Variants in CRPPA observed in about 807,000 individuals in gnomAD.
CRPPA encodes the protein CDP-L-ribitol pyrophosphorylase A.
A neutral mutation model predicts 52.0 loss-of-function variants in CRPPA; 43 were observed. The observed-to-expected ratio is 0.83, with a 90% CI of 0.65 to 1.07. The LOEUF (loss-of-function observed/expected upper bound fraction) is 1.07. CRPPA is among the 50% of genes least tolerant of loss of function. The pLI is 0.00. For missense variants in CRPPA, 629 were observed against 551.7 expected (o/e 1.14, Z -1.40); for synonymous variants, 250 against 203.5 (o/e 1.23, Z -1.94).
intron 5 of CRPPA, among the ~76,000 whole-genome samples, chr7:16,284,489 C>CG (rs1229430106): frequency 6.6e-6 from 1 of 151,808 alleles, no homozygotes; most frequent in Non-Finnish European, 1.5e-5. Flanking sequence ...TAACTTTGTC[C>CG]GTGCAAAATA....
chr7:16,112,306 T>C (rs754457707), intron 9 of CRPPA, among the ~76,000 whole-genome samples: 11 of 151,758 alleles, frequency 7.2e-5, no homozygotes, highest in Admixed American at 2.6e-4. Context: ...CAGAGTGAGA[T>C]GGTGTCTCTC....
chr7:16,324,717 C>A (rs1785340648), intron 3 of CRPPA, among the ~76,000 whole-genome samples: 2 of 152,198 alleles, frequency 1.3e-5, no homozygotes, highest in African/African-American at 2.4e-5. Flanking sequence ...CATAACAACA[C>A]AACTATAAAA....
intron 3 of CRPPA, among the ~76,000 whole-genome samples, chr7:16,320,913 C>T (rs1342873808): frequency 6.6e-6 from 1 of 152,082 alleles, no homozygotes; most frequent in Non-Finnish European, 1.5e-5. Flanking sequence ...GATAATATAG[C>T]TACAACCATC....
intron 9 of CRPPA, among the ~76,000 whole-genome samples, chr7:16,092,584 C>A (rs2128361325): frequency 6.6e-6 from 1 of 152,294 alleles, no homozygotes; most frequent in South Asian, 2.1e-4. Context: ...GCTCAAACTG[C>A]CACTGCCAGC....
chr7:16,404,404 TA>T (rs375903227), intron 2 of CRPPA, among the ~76,000 whole-genome samples: 137 of 152,274 alleles, frequency 9.0e-4, no homozygotes, highest in African/African-American at 3.1e-3. Context: ...TATGTTCTAT[TA>T]AATCACATGT....
At position 16,167,016 on chromosome 7, in the gene CRPPA, C is replaced by T. The variant is rs1313028354; in HGVS notation, c.1251+49050G>A. ...CGATCTCCACTCACTGCAAGCTCTG[C>T]CTCCCGGGTTCACACCATTGTCCTG... On this transcript the variant is annotated intron_variant, in intron 9 of 9. Coordinates refer to ENST00000407010, the MANE Select transcript of CRPPA (RefSeq NM_001101426.4). Among the ~76,000 whole-genome samples, 4 of 151,706 alleles carry T rather than the reference C, an allele frequency of 2.6e-5. No individual in the cohort carries two copies. The East Asian group carries it at 7.8e-4, about 30-fold the overall frequency.
At chr7:16,276,440 A>G (rs914050555) in intron 6 of CRPPA, 5 of 152,242 alleles carry the variant, frequency 3.3e-5, no homozygotes, top group African/African-American at 1.2e-4. Flanking sequence ...TAAGACAAAG[A>G]AAGTCAGATT....
At chr7:16,162,823 T>C (rs1467834733) in intron 9 of CRPPA, among the ~76,000 whole-genome samples, 1 of 152,172 alleles carries the variant, frequency 6.6e-6, no homozygotes, top group Non-Finnish European at 1.5e-5. Context: ...AGTCTCTTTG[T>C]AGGTCTCTAA....
rs528219042 is a variant in CRPPA at position 16,115,283 on chromosome 7, G to A, written c.1252-23484C>T. Among the ~76,000 whole-genome samples the A allele has an allele frequency of 2.0e-5, 3 of 152,234 alleles. No individual in the cohort carries two copies. In the South Asian group the frequency reaches 6.2e-4, roughly 32 times the overall value. ...CTAAGAGATATGGGTTAGCAATTCT[G>A]AAAGTATACTATGTGTATGCTATGT... is the stretch of plus-strand genomic sequence containing the variant. On this transcript the variant is annotated intron_variant, in intron 9 of 9. Coordinates refer to ENST00000407010, the MANE Select transcript of CRPPA (RefSeq NM_001101426.4).
chr7:16,360,125 C>A (rs74389989), intron 3 of CRPPA, among the ~76,000 whole-genome samples: 1 of 152,172 alleles, frequency 6.6e-6, no homozygotes, highest in Non-Finnish European at 1.5e-5. Flanking sequence ...ATGATTCCTA[C>A]GGAACAAGTG....
chr7:16,269,445 G>C (rs977368514), intron 6 of CRPPA: 3 of 152,168 alleles, frequency 2.0e-5, no homozygotes, highest in Admixed American at 6.6e-5. Flanking sequence ...GACATGTTGA[G>C]CCACAACAGC....
chr7:16,189,494 T>G (rs536186101), intron 9 of CRPPA, among the ~76,000 whole-genome samples: 4 of 152,308 alleles, frequency 2.6e-5, no homozygotes, highest in African/African-American at 9.6e-5. Context: ...TCTAGATAGT[T>G]GAGCAAGAGC....
intron 3 of CRPPA, among the ~76,000 whole-genome samples, chr7:16,344,882 A>G (rs2128306783): frequency 6.6e-6 from 1 of 152,284 alleles, no homozygotes; most frequent in East Asian, 1.9e-4. Flanking sequence ...ATGCCAAAAT[A>G]ATCATAATGG....
chr7:16,205,640 C>A (rs1173015651), intron 9 of CRPPA, among the ~76,000 whole-genome samples: 1 of 152,096 alleles, frequency 6.6e-6, no homozygotes, highest in Non-Finnish European at 1.5e-5. Context: ...ACTCAAGGAT[C>A]ATGCTTATTC....
chr7:16,203,605 G>T (rs1351523032), intron 9 of CRPPA, among the ~76,000 whole-genome samples: 1 of 152,054 alleles, frequency 6.6e-6, no homozygotes, highest in South Asian at 2.1e-4. Context: ...AAATTATTGG[G>T]TATAGATAGG....
intron 3 of CRPPA, among the ~76,000 whole-genome samples, chr7:16,359,808 A>G (rs1013801891): frequency 6.6e-6 from 1 of 152,098 alleles, no homozygotes; most frequent in Non-Finnish European, 1.5e-5. Flanking sequence ...TCCACTTTTA[A>G]CTTTCTTACC....
At chr7:16,368,653 C>G (rs901138323) in intron 3 of CRPPA, among the ~76,000 whole-genome samples, 2 of 152,176 alleles carry the variant, frequency 1.3e-5, no homozygotes, top group African/African-American at 2.4e-5. Context: ...CAGTAACACT[C>G]TAACATCAAC....
At chr7:16,162,074 T>A (rs931887460) in intron 9 of CRPPA, among the ~76,000 whole-genome samples, 6 of 152,192 alleles carry the variant, frequency 3.9e-5, no homozygotes, top group African/African-American at 1.4e-4. Context: ...GATTCTTCTC[T>A]TTTCTTCTTT....
chr7:16,181,047 G>A (rs28635543), intron 9 of CRPPA, among the ~76,000 whole-genome samples: 1 of 151,880 alleles, frequency 6.6e-6, no homozygotes, highest in Non-Finnish European at 1.5e-5. Context: ...TGTAAAAAAA[G>A]CCATGATATA....
Sources: allele counts gnomAD v4.1 joint callset (sites outside exome capture counted in the v4.1 genomes callset), GRCh38; gene constraint gnomAD v4.1.1; transcripts MANE v1.5; gene names NCBI Gene and HGNC (gene_info 2026-07-23, HGNC 2026-07-21).